Variants in BTF3L4 observed in about 807,000 individuals in gnomAD.
The protein encoded by BTF3L4 is basic transcription factor 3 like 4.
Under a neutral mutation model 16.8 loss-of-function variants are expected in BTF3L4, and 6 were observed. That is an observed-to-expected ratio of 0.36 (90% CI 0.20 to 0.71). BTF3L4 has a LOEUF of 0.71. Among genes scored for constraint, BTF3L4 ranks in the 30% least tolerant of loss-of-function variants. The pLI is 0.58. For synonymous variants in BTF3L4, 39 were observed against 59.8 expected (o/e 0.65, Z 1.60); for missense variants, 92 against 186.9 (o/e 0.49, Z 2.96).
intron 3 of BTF3L4, among the ~76,000 whole-genome samples, chr1:52,082,061 A>G (rs1330922845): frequency 1.3e-5 from 2 of 152,154 alleles, no homozygotes; most frequent in Non-Finnish European, 2.9e-5. Flanking sequence ...ACTCTTCCTA[A>G]CCTTTTTATA....
At chr1:52,083,269 T>A in intron 3 of BTF3L4, 71 bp from the exon 4 acceptor site, 1 of 1,334,654 alleles carries the variant, frequency 7.5e-7, no homozygotes, top group Non-Finnish European at 1.1e-6. Context: ...ATTGGCTGAA[T>A]TGCTTTTTAA....
intron 3 of BTF3L4, among the ~76,000 whole-genome samples, chr1:52,065,913 C>G (rs1357475065): frequency 6.6e-6 from 1 of 151,984 alleles, no homozygotes; most frequent in African/African-American, 2.4e-5. Context: ...TGGCACATGC[C>G]TGTAATCCCA....
chr1:52,072,960 A>G (rs35660265), intron 3 of BTF3L4, among the ~76,000 whole-genome samples: 6,939 of 152,344 alleles, frequency 0.046, 224 homozygotes, highest in African/African-American at 0.088. Flanking sequence ...CAGGAGGCTA[A>G]GGCAGAAGAA....
intron 3 of BTF3L4, among the ~76,000 whole-genome samples, chr1:52,082,309 A>G (rs1258161310): frequency 1.3e-5 from 2 of 152,238 alleles, no homozygotes; most frequent in Non-Finnish European, 2.9e-5. Context: ...AAAGTTATGG[A>G]AAGAATGTGA....
At chr1:52,081,290 A>G (rs2124443467) in intron 3 of BTF3L4, among the ~76,000 whole-genome samples, 1 of 150,910 alleles carries the variant, frequency 6.6e-6, no homozygotes, top group South Asian at 2.1e-4. Flanking sequence ...ACCCACCACC[A>G]TGCCTGGCTA....
chr1:52,079,608 ACTAGAAAGAC>A (rs2124440822), intron 3 of BTF3L4, among the ~76,000 whole-genome samples: 1 of 152,244 alleles, frequency 6.6e-6, no homozygotes, highest in South Asian at 2.1e-4. Flanking sequence ...CATATTTCAA[ACTAGAAAGAC>A]CTATATATCA....
At chr1:52,084,492 C>G (rs1030584960) in intron 4 of BTF3L4, among the ~76,000 whole-genome samples, 1 of 151,878 alleles carries the variant, frequency 6.6e-6, no homozygotes, top group African/African-American at 2.4e-5. Flanking sequence ...TAATGACAAT[C>G]AGAAAATACT....
chr1:52,086,081 A>G (rs747687823), intron 4 of BTF3L4, 31 bp from the exon 5 acceptor site: 1 of 1,491,364 alleles, frequency 6.7e-7, no homozygotes, highest in South Asian at 1.2e-5. Context: ...CTTTGTTCTC[A>G]ATGACTAATA....
intron 1 of BTF3L4, 73 bp downstream of exon 1, chr1:52,056,452 C>CCGA (rs1207244204): frequency 6.5e-6 from 1 of 152,818 alleles, no homozygotes; most frequent in Non-Finnish European, 1.5e-5. Flanking sequence ...CCCTCCCCTT[C>CCGA]CGACACCCGC....
intron 3 of BTF3L4, among the ~76,000 whole-genome samples, chr1:52,080,865 A>G (rs1416672362): frequency 7.3e-6 from 1 of 137,414 alleles, no homozygotes; most frequent in African/African-American, 2.8e-5. Flanking sequence ...TTTTCTGAGA[A>G]AGTCTCACTC....
intron 3 of BTF3L4, among the ~76,000 whole-genome samples, chr1:52,066,600 T>G (rs1399373187): frequency 6.6e-6 from 1 of 150,996 alleles, no homozygotes; most frequent in East Asian, 2.0e-4. Context: ...TCCCAGCACT[T>G]TGGGAGGCCG....
At chr1:52,057,337 C>A (rs1425742145) in intron 1 of BTF3L4, among the ~76,000 whole-genome samples, 2 of 152,184 alleles carry the variant, frequency 1.3e-5, no homozygotes, top group African/African-American at 4.8e-5. Context: ...CCTGTTTACA[C>A]CCTTTCTTGA....
At chr1:52,076,962 G>C (rs1354313689) in intron 3 of BTF3L4, among the ~76,000 whole-genome samples, 1 of 152,100 alleles carries the variant, frequency 6.6e-6, no homozygotes, top group Non-Finnish European at 1.5e-5. Context: ...ACTTAGGGCC[G>C]AGAGTTCAAG....
Position 52,087,663 on chromosome 1 carries a change from T to C in BTF3L4, c.*905T>C, listed in dbSNP as rs571212903. On this transcript the variant is annotated 3_prime_UTR_variant, in exon 6 of 6. Coordinates refer to ENST00000313334, the MANE Select transcript of BTF3L4 (RefSeq NM_152265.5). ...TTGGTAGATTTCAAACTGGAATAGC[T>C]AGCATGTGCTTGCTAAATAATTTTA... 26 of 152,416 alleles carry C rather than the reference T, an allele frequency of 1.7e-4. No homozygotes were observed. Among genetic ancestry groups the C allele is most frequent in the Non-Finnish European group, 2.6e-4 (18 of 68,026 alleles). The allele number at this position is 152,416 out of a possible 1,614,324, so 9.4% of individuals were successfully genotyped here.
intron 3 of BTF3L4, among the ~76,000 whole-genome samples, chr1:52,080,150 G>A (rs1643905310): frequency 6.6e-6 from 1 of 152,094 alleles, no homozygotes; most frequent in African/African-American, 2.4e-5. Context: ...GGAATTACAG[G>A]CATGAGCACC....
At chr1:52,075,078 CATT>C (rs1204600466) in intron 3 of BTF3L4, among the ~76,000 whole-genome samples, 7 of 151,784 alleles carry the variant, frequency 4.6e-5, no homozygotes. Context: ...TTTAAAATAG[CATT>C]ATATTATAAA....
intron 3 of BTF3L4, among the ~76,000 whole-genome samples, chr1:52,079,750 A>C (rs769552112): frequency 6.6e-6 from 1 of 152,072 alleles, no homozygotes; most frequent in African/African-American, 2.4e-5. Context: ...CCAATAAGAT[A>C]CATTTTATCT....
rs1385181308 is a variant in BTF3L4, at chr1:52,089,482, A to T, written c.*2724A>T. The T allele has an allele frequency of 2.0e-5, 3 of 152,206 alleles. No individual in the cohort carries two copies. Among genetic ancestry groups the T allele is most frequent in the Non-Finnish European group, 4.4e-5 (3 of 68,034 alleles). 9.4% of individuals were successfully genotyped at this position (152,206 alleles called of 1,614,324 possible). On this transcript the variant is annotated 3_prime_UTR_variant, in exon 6 of 6. Coordinates refer to ENST00000313334, the MANE Select transcript of BTF3L4 (RefSeq NM_152265.5). ...TTTGGATGAAACTTTTGTAAATTGT[A>T]GTGTTCTTGGCATAAATATGAATTA...
At chr1:52,070,821 A>G (rs1480317172) in intron 3 of BTF3L4, among the ~76,000 whole-genome samples, 1 of 151,784 alleles carries the variant, frequency 6.6e-6, no homozygotes, top group African/African-American at 2.4e-5. Flanking sequence ...TTTTTAGTAG[A>G]GACGGGGTTT....
Sources: allele counts gnomAD v4.1 joint callset (sites outside exome capture counted in the v4.1 genomes callset), GRCh38; gene constraint gnomAD v4.1.1; transcripts MANE v1.5; gene names NCBI Gene and HGNC (gene_info 2026-07-23, HGNC 2026-07-21).